Variants in FLT1 observed in about 807,000 individuals in gnomAD.
FLT1 encodes vascular endothelial growth factor receptor 1.
A neutral mutation model predicts 156.3 loss-of-function variants in FLT1; 49 were observed. That is an observed-to-expected ratio of 0.31 (90% CI 0.25 to 0.40). FLT1 has a LOEUF of 0.40. Ranked by LOEUF, FLT1 falls within the 10% of genes least tolerant of loss-of-function variation. The probability of loss-of-function intolerance (pLI) is 1.00; values close to 1 mark genes in which losing one functional copy is unlikely to be tolerated. For missense variants in FLT1, 1,322 were observed against 1,637.2 expected (o/e 0.81, Z 3.32); for synonymous variants, 594 against 583.8 (o/e 1.02, Z -0.25).
chr13:28,391,453 T>G (rs1320184807), intron 12 of FLT1, among the ~76,000 whole-genome samples: 1 of 152,212 alleles, frequency 6.6e-6, no homozygotes, highest in Admixed American at 6.5e-5. Flanking sequence ...TGCAACCGTT[T>G]TTCTCTCACC....
rs1266733037 is a variant in FLT1, at chr13:28,329,595, G to C, written c.2707+20C>G. 2.6e-6 allele frequency: 4 copies of C among 1,542,726 alleles called. No homozygotes were observed. In the Admixed American group the frequency reaches 6.7e-5, roughly 26 times the overall value. On this transcript the variant is annotated intron_variant, in intron 19 of 29. Transcript: ENST00000282397. Reference sequence around the variant, plus strand: ...GCCTGTGCAGGGGGAGACGGAGCCGGCCCTCCCCTTCTCCATTACCTCCTT... The same window carrying C: ...GCCTGTGCAGGGGGAGACGGAGCCGCCCCTCCCCTTCTCCATTACCTCCTT...
intron 6 of FLT1, 51 bp downstream of exon 6, chr13:28,433,768 A>G: frequency 6.4e-7 from 1 of 1,572,920 alleles, no homozygotes; most frequent in Non-Finnish European, 8.7e-7. Context: ...GCGGGATTTC[A>G]CTTGCTTAAA....
chr13:28,419,349 G>T (rs1462625462), intron 10 of FLT1, among the ~76,000 whole-genome samples: 3 of 152,162 alleles, frequency 2.0e-5, no homozygotes, highest in Non-Finnish European at 2.9e-5. Context: ...AGGCAGAAGT[G>T]CATGTTTTAT....
chr13:28,471,144 C>T (rs908526506), intron 1 of FLT1, among the ~76,000 whole-genome samples: 1 of 152,094 alleles, frequency 6.6e-6, no homozygotes, highest in African/African-American at 2.4e-5. Context: ...AGCGTTGCCA[C>T]ATAATTTGTC....
intron 25 of FLT1, among the ~76,000 whole-genome samples, chr13:28,313,725 T>C (rs1030916102): frequency 5.9e-5 from 9 of 152,078 alleles, no homozygotes; most frequent in African/African-American, 1.7e-4. Flanking sequence ...TGGCGGTTGC[T>C]GGGGAAAAAA....
intron 25 of FLT1, among the ~76,000 whole-genome samples, chr13:28,313,673 G>C (rs1233871400): frequency 6.6e-6 from 1 of 152,136 alleles, no homozygotes; most frequent in Non-Finnish European, 1.5e-5. Context: ...CTCCTTCTGT[G>C]AATTCTTCAG....
intron 3 of FLT1, among the ~76,000 whole-genome samples, chr13:28,457,142 T>C (rs1879312334): frequency 6.6e-6 from 1 of 151,568 alleles, no homozygotes; most frequent in Non-Finnish European, 1.5e-5. Context: ...AATTTTGCTG[T>C]GAGCCTGAAA....
At position 28,300,531 on chromosome 13, in the gene FLT1, A is replaced by ACACACACC. The variant is rs1870469045; in HGVS notation, c.*2635_*2636insGGTGTGTG. 19 of 203,466 alleles carry ACACACACC rather than the reference A, an allele frequency of 9.3e-5. No homozygotes were observed. The highest frequency in any genetic ancestry group is 3.2e-4 in the African/African-American group (14 of 44,302). 12.6% of individuals were successfully genotyped at this position (203,466 alleles called of 1,614,324 possible). A position where few individuals can be genotyped will look rare whatever the true frequency, so the allele number is the denominator to read the frequency against. ...AAAACACACATACACCCACACACAC[A>ACACACACC]CACACACACACACACACACACACAC... On this transcript the variant is annotated 3_prime_UTR_variant, in exon 30 of 30. Coordinates refer to ENST00000282397, the MANE Select transcript of FLT1 (RefSeq NM_002019.4).
intron 1 of FLT1, among the ~76,000 whole-genome samples, chr13:28,476,056 CAAAACAATTGGCCTTA>C (rs1350383791): frequency 5.3e-5 from 8 of 152,050 alleles, no homozygotes; most frequent in African/African-American, 1.4e-4. Context: ...GTTTGTCTTC[CAAAACAATTGGCCTTA>C]AATCAAGAAA....
intron 10 of FLT1, among the ~76,000 whole-genome samples, chr13:28,416,720 C>A (rs975306999): frequency 1.3e-5 from 2 of 152,208 alleles, no homozygotes; most frequent in African/African-American, 4.8e-5. Context: ...CAGCCTCTAT[C>A]AGCCACCATC....
intron 1 of FLT1, among the ~76,000 whole-genome samples, chr13:28,469,714 G>T (rs1011180807): frequency 6.6e-6 from 1 of 151,962 alleles, no homozygotes; most frequent in African/African-American, 2.4e-5. Context: ...ATGCTTTTCT[G>T]GTATTGCTGA....
chr13:28,467,080 T>C lies in FLT1; in HGVS notation c.211A>G (p.Ser71Gly), dbSNP rs1440694168. The C allele has an allele frequency of 6.2e-6, 10 of 1,614,138 alleles. No individual in the cohort carries two copies. Among genetic ancestry groups the C allele is most frequent in the Non-Finnish European group, 8.5e-6 (10 of 1,180,030 alleles). The change falls in exon 3 of 30, where the codon AGC becomes GGC. Residue 71 changes from serine to glycine, a missense_variant. Physicochemically the swap from Ser to Gly is moderately conservative, Grantham distance 56. Around this residue, in one of 3 missense-constraint regions of FLT1, gnomAD observed 991 missense variants for 1,254.8 expected, o/e 0.79. Coordinates refer to ENST00000282397, the MANE Select transcript of FLT1 (RefSeq NM_002019.4). ...WSLPEMVSKE[S>G]ERLSITKSAC... ...GATTTAGTTATGCTCAGCCTTTCGC[T>C]TTCCTTACTCACCATTTCAGGCAAA...
At chr13:28,425,251 A>T (rs994006322) in intron 10 of FLT1, among the ~76,000 whole-genome samples, 7 of 152,244 alleles carry the variant, frequency 4.6e-5, no homozygotes, top group African/African-American at 1.7e-4. Context: ...AGCATATGCA[A>T]CCTTAAACTT....
chr13:28,488,506 G>T (rs1250078490), intron 1 of FLT1, among the ~76,000 whole-genome samples: 1 of 151,840 alleles, frequency 6.6e-6, no homozygotes, highest in African/African-American at 2.4e-5. Flanking sequence ...ACCACGTGGG[G>T]ATTTTATTAA....
intron 15 of FLT1, 200 bp from the exon 16 acceptor site, chr13:28,345,751 G>A (rs188239569): frequency 8.8e-6 from 5 of 566,342 alleles, no homozygotes; most frequent in Non-Finnish European, 1.6e-5. Flanking sequence ...AGAAAAGGCA[G>A]TATACATGAA....
intron 1 of FLT1, among the ~76,000 whole-genome samples, chr13:28,485,299 G>C (rs1881089782): frequency 6.6e-6 from 1 of 152,094 alleles, no homozygotes; most frequent in Non-Finnish European, 1.5e-5. Flanking sequence ...AGAAGCTGCA[G>C]AGCTGCCTGC....
intron 16 of FLT1, 33 bp downstream of exon 16, chr13:28,345,412 A>C (rs1001148130): frequency 1.5e-6 from 2 of 1,351,096 alleles, no homozygotes; most frequent in Admixed American, 3.5e-5. Context: ...AATATATGTA[A>C]AAAGGAGCAT....
At chr13:28,346,248 T>G (rs1027337662) in intron 15 of FLT1, 1 of 152,366 alleles carries the variant, frequency 6.6e-6, no homozygotes, top group African/African-American at 2.4e-5. Flanking sequence ...GATCAAAAGC[T>G]GAGCACTGTT....
chr13:28,369,199 C>G (rs1027231785), intron 14 of FLT1, among the ~76,000 whole-genome samples: 13 of 152,086 alleles, frequency 8.5e-5, no homozygotes, highest in Non-Finnish European at 1.8e-4. Flanking sequence ...AACATAAATT[C>G]AAGTTGAGTA....
Sources: gnomAD v4.1 joint callset for allele counts (sites outside exome capture counted in the v4.1 genomes callset) on GRCh38, gnomAD v4.1.1 for gene constraint, gnomAD v4.1.1 regional missense constraint, MANE v1.5 for transcripts, NCBI Gene and HGNC (gene_info 2026-07-23, HGNC 2026-07-21) for gene names.